The following ATXN7L1 variants were observed in gnomAD, a reference collection of about 807,000 sequenced individuals.
The protein encoded by ATXN7L1 is ataxin 7 like 1.
ATXN7L1 carries 15 observed loss-of-function variants against 70.8 expected under a neutral mutation model. The observed-to-expected ratio is 0.21, with a 90% CI of 0.14 to 0.33. The LOEUF is 0.33. Among genes scored for constraint, ATXN7L1 ranks in the 10% least tolerant of loss-of-function variants. The pLI is 1.00. For missense variants in ATXN7L1, 975 were observed against 1,097.1 expected, an observed-to-expected ratio of 0.89 and a Z score of 1.57; for synonymous variants, 440 against 445.1, an observed-to-expected ratio of 0.99 and a Z score of 0.14.
At chr7:105,646,252 G>A (rs1018871981) in intron 4 of ATXN7L1, among the ~76,000 whole-genome samples, 1 of 152,128 alleles carries the variant, frequency 6.6e-6, no homozygotes, top group South Asian at 2.1e-4. Context: ...TGAGGTTACA[G>A]TGAGCTAGGA....
At chr7:105,653,054 G>A (rs1454034901) in intron 4 of ATXN7L1, among the ~76,000 whole-genome samples, 5 of 152,056 alleles carry the variant, frequency 3.3e-5, no homozygotes, top group African/African-American at 1.2e-4. Flanking sequence ...ATTCTGAATG[G>A]CATTTTTGCC....
At chr7:105,813,576 A>T (rs1004055356) in intron 2 of ATXN7L1, among the ~76,000 whole-genome samples, 3 of 152,118 alleles carry the variant, frequency 2.0e-5, no homozygotes, top group Non-Finnish European at 4.4e-5. Flanking sequence ...ACCTCAGGTG[A>T]TCCACCCGCC....
At chr7:105,689,796 T>C (rs956115093) in intron 3 of ATXN7L1, among the ~76,000 whole-genome samples, 2 of 152,194 alleles carry the variant, frequency 1.3e-5, no homozygotes, top group Non-Finnish European at 2.9e-5. Flanking sequence ...CGATGGATCA[T>C]GTCCGAGCCC....
chr7:105,624,250 C>A lies in ATXN7L1; in HGVS notation c.1220G>T (p.Ser407Ile). 1.4e-6 allele frequency: 2 copies of A among 1,444,660 alleles called. No individual in the cohort carries two copies. The highest frequency in any genetic ancestry group is 1.8e-6 in the Non-Finnish European group (2 of 1,086,924). The allele number at this position is 1,444,660 out of a possible 1,614,324, so 89.5% of individuals were successfully genotyped here. A position where few individuals can be genotyped will look rare whatever the true frequency, so the allele number is the denominator to read the frequency against. The change falls in exon 8 of 12, where the codon AGC becomes ATC. Residue 407 changes from serine to isoleucine, a missense_variant. Physicochemically the swap from Ser to Ile is moderately radical, Grantham distance 142. This residue lies in a region of ATXN7L1 where 635 missense variants were observed against 699.4 expected (regional missense o/e 0.91). Transcript: ENST00000419735. ...ATTTGAAGATGTGCTGCTGCTTATG[C>A]TATTTGCAGATGATGGTCTAAGGGC... The part of the protein sequence containing the change: ...SVLPRPSSAN[S>I]ISSSTSSNHS...
At chr7:105,702,679 G>A (rs924783589) in intron 3 of ATXN7L1, among the ~76,000 whole-genome samples, 31 of 152,050 alleles carry the variant, frequency 2.0e-4, no homozygotes, top group African/African-American at 7.2e-5. Context: ...AAATAAATAA[G>A]TAAATAAAAA....
intron 2 of ATXN7L1, among the ~76,000 whole-genome samples, chr7:105,793,330 G>A (rs1342002665): frequency 6.6e-6 from 1 of 152,222 alleles, no homozygotes; most frequent in Non-Finnish European, 1.5e-5. Context: ...TCATGGGGTT[G>A]CTGTGATGAC....
rs139693676 is a variant in ATXN7L1, at chr7:105,749,938, C to G, written c.355+38666G>C. ...TGGGCACTTACTGCCTAAAAATGGA[C>G]TAGTCTGTGAAGGTTCTTCCTGCAC... On this transcript the variant is annotated intron_variant, in intron 3 of 11. Transcript: ENST00000419735. Among the ~76,000 whole-genome samples, 320 of 152,044 alleles carry G rather than the reference C, an allele frequency of 2.1e-3. 2 individuals are homozygous for G. The highest frequency in any genetic ancestry group is 7.4e-3 in the African/African-American group (307 of 41,550).
intron 3 of ATXN7L1, among the ~76,000 whole-genome samples, chr7:105,697,409 T>C (rs1454959001): frequency 6.6e-6 from 1 of 152,200 alleles, no homozygotes; most frequent in Admixed American, 6.5e-5. Flanking sequence ...ATTTCTCCCA[T>C]TTGCTTTTGA....
chr7:105,671,668 G>A (rs1261426075), intron 3 of ATXN7L1, among the ~76,000 whole-genome samples: 1 of 152,058 alleles, frequency 6.6e-6, no homozygotes, highest in Non-Finnish European at 1.5e-5. Context: ...AGGCTGAGGC[G>A]GGTGGATTGC....
chr7:105,618,200 C>T, intron 9 of ATXN7L1: 1 of 379,502 alleles, frequency 2.6e-6, no homozygotes, highest in Admixed American at 3.1e-5. Flanking sequence ...ACTTCCATAA[C>T]ACAGGGAGCA....
chr7:105,645,504 A>G (rs1798853167), intron 4 of ATXN7L1, among the ~76,000 whole-genome samples: 1 of 151,522 alleles, frequency 6.6e-6, no homozygotes, highest in Non-Finnish European at 1.5e-5. Flanking sequence ...TCTACTAAAA[A>G]TACAGAAATT....
intron 2 of ATXN7L1, among the ~76,000 whole-genome samples, chr7:105,832,193 C>T (rs1563128908): frequency 6.6e-6 from 1 of 152,052 alleles, no homozygotes; most frequent in Non-Finnish European, 1.5e-5. Context: ...AACCCAGTTA[C>T]TTGACATTAT....
At chr7:105,817,255 T>C (rs910128223) in intron 2 of ATXN7L1, among the ~76,000 whole-genome samples, 1 of 152,202 alleles carries the variant, frequency 6.6e-6, no homozygotes, top group Non-Finnish European at 1.5e-5. Context: ...TTCAATAAGA[T>C]TGAAACAATT....
chr7:105,647,029 T>C (rs1168482126), intron 4 of ATXN7L1, among the ~76,000 whole-genome samples: 1 of 152,206 alleles, frequency 6.6e-6, no homozygotes, highest in Non-Finnish European at 1.5e-5. Context: ...CTGTTGACTT[T>C]TATTTCTTTA....
intron 3 of ATXN7L1, among the ~76,000 whole-genome samples, chr7:105,722,778 G>A (rs1172682096): frequency 5.3e-5 from 8 of 151,692 alleles, no homozygotes; most frequent in African/African-American, 1.5e-4. Context: ...CCCACTACTC[G>A]GGAGGCTGAG....
At chr7:105,795,956 C>G (rs924971695) in intron 2 of ATXN7L1, among the ~76,000 whole-genome samples, 4 of 152,184 alleles carry the variant, frequency 2.6e-5, no homozygotes, top group African/African-American at 4.8e-5. Context: ...AAACATTATG[C>G]TTTTCATTTT....
At chr7:105,637,064 G>A (rs1797496392) in intron 7 of ATXN7L1, among the ~76,000 whole-genome samples, 1 of 152,198 alleles carries the variant, frequency 6.6e-6, no homozygotes, top group Non-Finnish European at 1.5e-5. Flanking sequence ...TGCAAAGTGA[G>A]GGGTGGCCAG....
In ATXN7L1 at chr7:105,614,074, C is replaced by T. The variant is rs188783768; in HGVS notation, c.2260G>A (p.Ala754Thr). Residue 754 changes from alanine (A) to threonine (T), a missense_variant, in exon 10 of 12, where the codon GCA (alanine) becomes ACA (threonine). Transcript: ENST00000419735. This position sits in a 1 kb window ranked among gnomAD's most constrained non-coding sequence, Gnocchi z 4.3. ...PLSVPSLALH[A>T]GDLSLASHNA... ...TGTGAGGCCAGAGAGAGGTCCCCTG[C>T]GTGGAGCGCAAGGGAGGGCACAGAG... 5.9e-5 allele frequency: 92 copies of T among 1,551,752 alleles called. No homozygotes were observed. The East Asian group carries it at 1.7e-3, about 28-fold the overall frequency.
At chr7:105,832,463 T>G (rs1372404102) in intron 2 of ATXN7L1, among the ~76,000 whole-genome samples, 2 of 152,232 alleles carry the variant, frequency 1.3e-5, no homozygotes, top group Non-Finnish European at 2.9e-5. Flanking sequence ...CTTATGTGTT[T>G]GATGACAGGT....
Sources: allele counts gnomAD v4.1 joint callset (sites outside exome capture counted in the v4.1 genomes callset), GRCh38; gene constraint gnomAD v4.1.1; regional missense constraint gnomAD v4.1.1; non-coding constraint Gnocchi (gnomAD v3.1); transcripts MANE v1.5; gene names NCBI Gene and HGNC (gene_info 2026-07-23, HGNC 2026-07-21).